The following SCHIP1 variants were observed in gnomAD, a reference collection of about 807,000 sequenced individuals.
SCHIP1 encodes the protein schwannomin interacting protein 1, also known as schwannomin-interacting protein 1.
A neutral mutation model predicts 29.7 loss-of-function variants in SCHIP1; 8 were observed. That is an observed-to-expected ratio of 0.27 (90% CI 0.16 to 0.49). The LOEUF is 0.49. Among genes scored for constraint, SCHIP1 ranks in the 20% least tolerant of loss-of-function variants. The pLI is 0.99. For synonymous variants in SCHIP1, 76 were observed against 94.9 expected (o/e 0.80, Z 1.16); for missense variants, 193 against 294.6 (o/e 0.66, Z 2.52).
At chr3:159,445,204 T>A in the SCHIP1 span, among the ~76,000 whole-genome samples, 7 of 151,876 alleles carry the variant, frequency 4.6e-5, no homozygotes, top group African/African-American at 1.7e-4. Context: ...ACCCCAACAA[T>A]AAGTGGGCAA....
At chr3:159,483,131 G>A in the SCHIP1 span, among the ~76,000 whole-genome samples, 1 of 152,140 alleles carries the variant, frequency 6.6e-6, no homozygotes, top group Non-Finnish European at 1.5e-5. Flanking sequence ...CCAAGCAGCT[G>A]TTTTGGGAGA....
At chr3:159,682,010 A>C in the SCHIP1 span, among the ~76,000 whole-genome samples, 4 of 152,228 alleles carry the variant, frequency 2.6e-5, no homozygotes, top group African/African-American at 9.6e-5. Flanking sequence ...TGTTACCCAA[A>C]CCACATTCCA....
At chr3:159,501,093 G>C in the SCHIP1 span, among the ~76,000 whole-genome samples, 1,707 of 152,248 alleles carry the variant, frequency 0.011, 25 homozygotes, top group Non-Finnish European at 0.016. Context: ...GAAAATTTCA[G>C]CCAACTAGGG....
chr3:159,669,164 G>A, the SCHIP1 span, among the ~76,000 whole-genome samples: 1 of 152,158 alleles, frequency 6.6e-6, no homozygotes, highest in Non-Finnish European at 1.5e-5. Flanking sequence ...ATATTAATAA[G>A]TAACTTGTGG....
At chr3:159,639,130 C>T in the SCHIP1 span, among the ~76,000 whole-genome samples, 1 of 152,048 alleles carries the variant, frequency 6.6e-6, no homozygotes, top group East Asian at 1.9e-4. Context: ...TCAGTTTTGC[C>T]TTTTTCTGTG....
chr3:159,410,520 TG>T, the SCHIP1 span, among the ~76,000 whole-genome samples: 1 of 152,146 alleles, frequency 6.6e-6, no homozygotes, highest in African/African-American at 2.4e-5. Flanking sequence ...AACAGGCCTA[TG>T]AAAAAGTGCT....
the SCHIP1 span, among the ~76,000 whole-genome samples, chr3:159,388,348 A>G: frequency 1.3e-5 from 2 of 152,166 alleles, no homozygotes; most frequent in Non-Finnish European, 2.9e-5. Context: ...GAAATTTAAA[A>G]TGCCAAGGAG....
At chr3:159,476,708 T>C in the SCHIP1 span, among the ~76,000 whole-genome samples, 11 of 152,296 alleles carry the variant, frequency 7.2e-5, no homozygotes, top group Admixed American at 2.6e-4. Flanking sequence ...TAATTTTCTA[T>C]ATTTATGGGC....
chr3:159,290,974 T>A, the SCHIP1 span, among the ~76,000 whole-genome samples: 3 of 152,104 alleles, frequency 2.0e-5, no homozygotes, highest in African/African-American at 7.2e-5. Context: ...TATTCTTAGT[T>A]CTTTTCCATG....
At chr3:159,713,472 G>C in the SCHIP1 span, among the ~76,000 whole-genome samples, 1 of 151,878 alleles carries the variant, frequency 6.6e-6, no homozygotes, top group Non-Finnish European at 1.5e-5. Context: ...CACTTACAAA[G>C]GTATTTATTA....
exon 1 of SCHIP1, chr3:159,839,950 C>T: frequency 7.1e-7 from 1 of 1,418,086 alleles, no homozygotes; most frequent in East Asian, 2.6e-5. Flanking sequence ...GTTCCTAAGC[C>T]TGCCTCACTG....
At chr3:159,767,829 T>C in the SCHIP1 span, among the ~76,000 whole-genome samples, 1 of 152,198 alleles carries the variant, frequency 6.6e-6, no homozygotes, top group African/African-American at 2.4e-5. Flanking sequence ...ATTGTTTTCT[T>C]AGTGCTTGTC....
At chr3:159,721,582 A>G in the SCHIP1 span, 1 of 194,404 alleles carries the variant, frequency 5.1e-6, no homozygotes, top group Admixed American at 6.1e-5. Flanking sequence ...GGGCCTTCTC[A>G]TTAACAGGAT....
At chr3:159,820,318 T>A in the SCHIP1 span, among the ~76,000 whole-genome samples, 3 of 152,176 alleles carry the variant, frequency 2.0e-5, no homozygotes, top group African/African-American at 7.2e-5. Context: ...CCCACAACCC[T>A]ACCTTAATCA....
the SCHIP1 span, among the ~76,000 whole-genome samples, chr3:159,660,398 C>T: frequency 2.0e-5 from 3 of 152,138 alleles, no homozygotes; most frequent in Admixed American, 6.5e-5. Context: ...CAAATGAAAG[C>T]GGAGTTTATT....
At chr3:159,621,596 T>C in the SCHIP1 span, among the ~76,000 whole-genome samples, 83 of 152,310 alleles carry the variant, frequency 5.4e-4, no homozygotes, top group Non-Finnish European at 1.0e-3. Flanking sequence ...TATATGCTTC[T>C]TTTTTTAAAG....
At chr3:159,285,897 A>C in the SCHIP1 span, among the ~76,000 whole-genome samples, 1 of 151,500 alleles carries the variant, frequency 6.6e-6, no homozygotes, top group Non-Finnish European at 1.5e-5. Context: ...TTTCTCCCCT[A>C]TCTCATTATT....
the SCHIP1 span, among the ~76,000 whole-genome samples, chr3:159,406,651 A>T: frequency 6.6e-6 from 1 of 152,262 alleles, no homozygotes. Flanking sequence ...AGACTAAAGG[A>T]TGAACCAATA....
At chr3:159,381,267 A>AT in the SCHIP1 span, among the ~76,000 whole-genome samples, 1 of 152,196 alleles carries the variant, frequency 6.6e-6, no homozygotes, top group South Asian at 2.1e-4. Flanking sequence ...AAGAGTCCTG[A>AT]TTCCTGTTTG....
Sources: allele counts gnomAD v4.1 joint callset (sites outside exome capture counted in the v4.1 genomes callset), GRCh38; gene constraint gnomAD v4.1.1; transcripts MANE v1.5; gene names NCBI Gene and HGNC (gene_info 2026-07-23, HGNC 2026-07-21).